The following MSI2 variants were observed in gnomAD, a reference collection of about 807,000 sequenced individuals.
The protein encoded by MSI2 is RNA-binding protein Musashi homolog 2.
Under a neutral mutation model 45.6 loss-of-function variants are expected in MSI2, and 17 were observed. The observed-to-expected ratio is 0.37, with a 90% CI of 0.26 to 0.56. The LOEUF (loss-of-function observed/expected upper bound fraction) is 0.56. MSI2 is among the 20% of genes least tolerant of loss of function. The pLI is 0.77. For missense variants in MSI2, 293 were observed against 444.2 expected, an observed-to-expected ratio of 0.66 and a Z score of 3.06; for synonymous variants, 156 against 158.2, an observed-to-expected ratio of 0.99 and a Z score of 0.11.
chr17:57,522,282 AGC>A (rs1371528377), intron 6 of MSI2: 2 of 152,164 alleles, frequency 1.3e-5, no homozygotes, highest in Non-Finnish European at 2.9e-5. Context: ...TAACACTTGG[AGC>A]GTTTGAGTGG....
At position 57,554,705 on chromosome 17, in the gene MSI2, T is replaced by G. The variant is rs79794286; in HGVS notation, c.454+24981T>G. ...TCACCTTCAGGCTGACCCTGTGTGG[T>G]GTAGCTGTTATTATGCCTGTTTTTT... On this transcript the variant is annotated intron_variant, in intron 7 of 13. Transcript: ENST00000284073. 4.5e-3 allele frequency among the ~76,000 whole-genome samples: 682 copies of G among 152,336 alleles called. 2 individuals carry two copies. The highest frequency in any genetic ancestry group is 0.016 in the African/African-American group (646 of 41,570).
chr17:57,501,467 G>A (rs2086105594), intron 6 of MSI2, among the ~76,000 whole-genome samples: 1 of 152,248 alleles, frequency 6.6e-6, no homozygotes, highest in Non-Finnish European at 1.5e-5. Context: ...CCCTGGGCCA[G>A]GCCCTGTTAG....
Position 57,607,836 on chromosome 17 carries a change from AAGC to A in MSI2, c.538-8131_538-8129del, listed in dbSNP as rs200952822. Among the ~76,000 whole-genome samples the A allele has an allele frequency of 6.3e-3, 958 of 152,244 alleles. 8 individuals carry two copies. Among genetic ancestry groups the A allele is most frequent in the African/African-American group, 0.021 (892 of 41,534 alleles). The stretch of plus-strand genomic sequence containing the variant: ...TAGGAACAGGCACGTCGCTTGGTGA[AAGC>A]AGGTGCAAGCAAGCGAGAGAGTGCA... On this transcript the variant is annotated intron_variant, in intron 8 of 13. Coordinates refer to ENST00000284073, the MANE Select transcript of MSI2 (RefSeq NM_138962.4).
chr17:57,301,238 G>A (rs1911394125), intron 5 of MSI2, among the ~76,000 whole-genome samples: 1 of 152,152 alleles, frequency 6.6e-6, no homozygotes, highest in South Asian at 2.1e-4. Flanking sequence ...CTTGATAGAA[G>A]TTTGACTTGA....
At chr17:57,693,521 T>C in the MSI2 span, among the ~76,000 whole-genome samples, 1 of 152,250 alleles carries the variant, frequency 6.6e-6, no homozygotes, top group Non-Finnish European at 1.5e-5. Flanking sequence ...AAAGTATTTG[T>C]CTCTGTCACT....
intron 6 of MSI2, among the ~76,000 whole-genome samples, chr17:57,491,769 A>C (rs1222394606): frequency 1.3e-5 from 2 of 152,104 alleles, no homozygotes; most frequent in Non-Finnish European, 2.9e-5. Flanking sequence ...AGCCTTCACG[A>C]CTGCTCTAAT....
chr17:57,414,337 G>A (rs532234080), intron 6 of MSI2, among the ~76,000 whole-genome samples: 4 of 152,318 alleles, frequency 2.6e-5, no homozygotes, highest in South Asian at 2.1e-4. Context: ...CCTCTGTATC[G>A]GAGGGCAGGG....
intron 5 of MSI2, among the ~76,000 whole-genome samples, chr17:57,364,771 T>C (rs1917067487): frequency 6.6e-6 from 1 of 152,142 alleles, no homozygotes; most frequent in African/African-American, 2.4e-5. Context: ...GATCCCAAGC[T>C]CCCTTTTGGG....
intron 11 of MSI2, among the ~76,000 whole-genome samples, chr17:57,658,632 G>A (rs923111895): frequency 3.3e-5 from 5 of 152,346 alleles, no homozygotes; most frequent in East Asian, 3.9e-4. Flanking sequence ...ATCAACTCTA[G>A]TGCAATTAGT....
chr17:57,337,633 A>G (rs1914784805), intron 5 of MSI2, among the ~76,000 whole-genome samples: 2 of 152,114 alleles, frequency 1.3e-5, no homozygotes, highest in Non-Finnish European at 2.9e-5. Flanking sequence ...ACCACGGTCG[A>G]GTCCTTAGCT....
At chr17:57,310,215 C>T (rs1238997107) in intron 5 of MSI2, among the ~76,000 whole-genome samples, 1 of 152,206 alleles carries the variant, frequency 6.6e-6, no homozygotes, top group African/African-American at 2.4e-5. Context: ...TGGAGTGGAC[C>T]TTGGGGCAGC....
At chr17:57,451,081 T>C (rs1291363125) in intron 6 of MSI2, among the ~76,000 whole-genome samples, 1 of 152,118 alleles carries the variant, frequency 6.6e-6, no homozygotes. Flanking sequence ...AGTAGATGGA[T>C]AGTTGGAGGG....
chr17:57,651,913 ATGT>A (rs1260569607), intron 10 of MSI2, among the ~76,000 whole-genome samples, 183 bp from the exon 11 acceptor site: 1 of 152,180 alleles, frequency 6.6e-6, no homozygotes. Context: ...GCACCTAAAG[ATGT>A]TGTGCCTTCC....
At chr17:57,360,050 C>T (rs703859) in intron 5 of MSI2, among the ~76,000 whole-genome samples, 90,887 of 152,066 alleles carry the variant, frequency 0.6, 27,930 homozygotes, top group East Asian at 0.75. Context: ...CAGAAAGCTC[C>T]GTGCCTTCAC....
intron 6 of MSI2, among the ~76,000 whole-genome samples, chr17:57,403,624 A>G (rs2084031204): frequency 6.6e-6 from 1 of 152,132 alleles, no homozygotes; most frequent in African/African-American, 2.4e-5. Context: ...CTCATATTTT[A>G]GTAGCTTTTT....
intron 6 of MSI2, among the ~76,000 whole-genome samples, chr17:57,498,518 G>C (rs751636001): frequency 6.6e-6 from 1 of 152,164 alleles, no homozygotes; most frequent in African/African-American, 2.4e-5. Context: ...TCATCTCTCC[G>C]ACCCCAGTAC....
Position 57,472,548 on chromosome 17 carries a change from G to A in MSI2, c.406-57128G>A, listed in dbSNP as rs543825749. ...CCTAGAGACTGGGGACTTCCTTTGGGGCCAACCCCATCTGGGCTCGAATCC... is the reference window on the plus strand; with the variant it reads ...CCTAGAGACTGGGGACTTCCTTTGGAGCCAACCCCATCTGGGCTCGAATCC... On this transcript the variant is annotated intron_variant, in intron 6 of 13. Transcript: ENST00000284073. Among the ~76,000 whole-genome samples the A allele has an allele frequency of 5.9e-5, 9 of 152,288 alleles. No individual in the cohort carries two copies. The East Asian group carries it at 1.7e-3, about 29-fold the overall frequency.
chr17:57,342,119 G>T (rs572008299), intron 5 of MSI2, among the ~76,000 whole-genome samples: 1 of 152,300 alleles, frequency 6.6e-6, no homozygotes, highest in South Asian at 2.1e-4. Context: ...CCTCTCATTA[G>T]GAATTGAATA....
In MSI2 at chr17:57,499,573, C is replaced by T. The variant is rs142659399; in HGVS notation, c.406-30103C>T. Among the ~76,000 whole-genome samples, 406 of 152,208 alleles carry T rather than the reference C, an allele frequency of 2.7e-3. 1 individual carries two copies. The highest frequency in any genetic ancestry group is 9.5e-3 in the African/African-American group (395 of 41,528). On this transcript the variant is annotated intron_variant, in intron 6 of 13. Transcript: ENST00000284073. ...GCATGTTTTTATATATGTGGTGTTC[C>T]GGTTATCTATTGATGCATAACAAAT... is the stretch of plus-strand genomic sequence containing the variant.
Sources: allele counts gnomAD v4.1 joint callset (sites outside exome capture counted in the v4.1 genomes callset), GRCh38; gene constraint gnomAD v4.1.1; transcripts MANE v1.5; gene names NCBI Gene and HGNC (gene_info 2026-07-23, HGNC 2026-07-21).